Variants in SETX observed in about 807,000 individuals in gnomAD.
SETX encodes the protein helicase senataxin.
Under a neutral mutation model 227.2 loss-of-function variants are expected in SETX, and 90 were observed. The observed-to-expected ratio is 0.40, with a 90% CI of 0.33 to 0.47. The LOEUF (loss-of-function observed/expected upper bound fraction) is 0.47, where lower values mean the gene tolerates loss of function less well. Ranked by LOEUF, SETX falls within the 20% of genes least tolerant of loss-of-function variation. The probability of loss-of-function intolerance (pLI) is 0.91; values close to 1 mark genes in which losing one functional copy is unlikely to be tolerated. For synonymous variants in SETX, 1,210 were observed against 1,113.2 expected (o/e 1.09, Z -1.73); for missense variants, 3,052 against 3,181.5 (o/e 0.96, Z 0.98).
At chr9:132,356,291 C>T (rs1848910537), upstream of SETX, among the ~76,000 whole-genome samples, 1 of 152,122 alleles carries the variant, frequency 6.6e-6, no homozygotes, top group Admixed American at 6.5e-5. Flanking sequence ...CAACCTCCGC[C>T]TCCTGGGTTC....
At position 132,296,862 on chromosome 9, in the gene SETX, C is replaced by A. The variant is rs1204175680; in HGVS notation, c.5949+25G>T. 3.1e-6 allele frequency: 5 copies of A among 1,610,546 alleles called. No homozygotes were observed. The South Asian group carries it at 5.5e-5, about 18-fold the overall frequency. ...GTAAAATGATACAGCTAGTTAACAG[C>A]ATCAGTGCCCTCACCCATACCTACC... On this transcript the variant is annotated intron_variant, in intron 14 of 25. Transcript: ENST00000224140.
intron 18 of SETX, 110 bp downstream of exon 18, chr9:132,286,313 C>CT: frequency 1.3e-6 from 1 of 798,904 alleles, no homozygotes; most frequent in Non-Finnish European, 2.0e-6. Flanking sequence ...GAGTGAGACT[C>CT]TGTCTCCAAA....
upstream of SETX, among the ~76,000 whole-genome samples, chr9:132,356,498 G>C (rs1848919582): frequency 6.6e-6 from 1 of 152,110 alleles, no homozygotes; most frequent in Non-Finnish European, 1.5e-5. Context: ...CACCGCACCC[G>C]GCCCCTACCC....
rs1416072230 is a variant in SETX, at chr9:132,328,573, A to G, written c.3025T>C (p.Ser1009Pro). 1 of 1,613,862 alleles carries G rather than the reference A, an allele frequency of 6.2e-7. No homozygotes were observed. The highest frequency in any genetic ancestry group is 2.2e-5 in the East Asian group (1 of 44,880). Residue 1009 changes from serine to proline, a missense_variant, in exon 10 of 26, where the codon TCC (serine) becomes CCC (proline). Coordinates refer to ENST00000224140, the MANE Select transcript of SETX (RefSeq NM_015046.7). ...TANQNNVGDT[S>P]RGQVIIISDS... ...GAAATAATAATAACCTGTCCACGGG[A>G]GGTATCTCCAACATTATTTTGGTTA...
intron 5 of SETX, among the ~76,000 whole-genome samples, chr9:132,339,608 T>A (rs2131524231): frequency 6.6e-6 from 1 of 152,314 alleles, no homozygotes; most frequent in Non-Finnish European, 1.5e-5. Context: ...TCTCTTTCCA[T>A]ATAGTACAAC....
intron 15 of SETX, among the ~76,000 whole-genome samples, chr9:132,292,917 G>A (rs1196114358): frequency 2.6e-5 from 4 of 152,026 alleles, no homozygotes; most frequent in African/African-American, 4.8e-5. Flanking sequence ...AATTACAGGC[G>A]TCAGCCACCG....
intron 11 of SETX, among the ~76,000 whole-genome samples, chr9:132,305,892 C>T (rs1266417595): frequency 6.6e-6 from 1 of 152,098 alleles, no homozygotes; most frequent in Non-Finnish European, 1.5e-5. Flanking sequence ...TTAGTCTACA[C>T]CAACATAAAA....
At chr9:132,291,637 G>T (rs183089529) in intron 15 of SETX, among the ~76,000 whole-genome samples, 4 of 152,272 alleles carry the variant, frequency 2.6e-5, no homozygotes, top group African/African-American at 7.2e-5. Context: ...CAAAAACAGA[G>T]AGAGAGCTGA....
chr9:132,329,148 A>G lies in SETX; in HGVS notation c.2450T>C (p.Val817Ala). ...NTINLDENLT[V>A]SNIESFYSRK... The stretch of plus-strand genomic sequence containing the variant: ...TGAATAGAAACTCTCAATGTTAGAT[A>G]CAGTCAAATTTTCATCTAAATTGAT... The change falls in exon 10 of 26, where the codon GTA becomes GCA. Residue 817 changes from valine to alanine, a missense_variant. Val to Ala is a moderately conservative substitution (Grantham distance 64). Transcript: ENST00000224140. 2 of 1,611,582 alleles carry G rather than the reference A, an allele frequency of 1.2e-6. No homozygotes were observed. The highest frequency in any genetic ancestry group is 1.7e-6 in the Non-Finnish European group (2 of 1,179,684).
intron 5 of SETX, among the ~76,000 whole-genome samples, chr9:132,339,769 C>G (rs1424741974): frequency 6.6e-6 from 1 of 152,134 alleles, no homozygotes; most frequent in Non-Finnish European, 1.5e-5. Context: ...CACACCACCA[C>G]ACCTGCCTAA....
intron 22 of SETX, among the ~76,000 whole-genome samples, chr9:132,276,721 C>G (rs552644847): frequency 1.3e-5 from 2 of 152,184 alleles, no homozygotes; most frequent in Admixed American, 1.3e-4. Flanking sequence ...TGAATTTATA[C>G]TTAGCCTTCA....
rs560262613 is a variant in SETX at position 132,341,822 on chromosome 9, G to A, written c.498+868C>T. Among the ~76,000 whole-genome samples the A allele has an allele frequency of 6.4e-4, 97 of 152,082 alleles. No individual in the cohort carries two copies. The Middle Eastern group carries it at 0.01, about 16-fold the overall frequency. Reference sequence around the variant, plus strand: ...TGTTGTCCTGCACAAGCTGAATCCCGAGCTACCCACCGCCACCCAGGCCAG... The same window carrying A: ...TGTTGTCCTGCACAAGCTGAATCCCAAGCTACCCACCGCCACCCAGGCCAG... On this transcript the variant is annotated intron_variant, in intron 5 of 25. Coordinates refer to ENST00000224140, the MANE Select transcript of SETX (RefSeq NM_015046.7).
chr9:132,353,917 T>C (rs913419893), intron 1 of SETX, among the ~76,000 whole-genome samples, 162 bp from the exon 2 acceptor site: 15 of 152,192 alleles, frequency 9.9e-5, no homozygotes, highest in African/African-American at 3.6e-4. Context: ...ACAGCAGAAC[T>C]GCAATTCTGA....
At position 132,262,627 on chromosome 9, in the gene SETX, CAGG is replaced by C. The variant is rs1842455702; in HGVS notation, c.*1609_*1611del. 1.3e-5 allele frequency: 2 copies of C among 152,620 alleles called. No individual in the cohort carries two copies. Among genetic ancestry groups the C allele is most frequent in the Admixed American group, 1.3e-4 (2 of 15,280 alleles). 9.5% of individuals were successfully genotyped at this position (152,620 alleles called of 1,614,324 possible). ...AGGAAGTCACCTGCTCCCTGGGTTT[CAGG>C]AGTATTCAGTTGACCGTCTGGACAC... On this transcript the variant is annotated 3_prime_UTR_variant, in exon 26 of 26. Coordinates refer to ENST00000224140, the MANE Select transcript of SETX (RefSeq NM_015046.7).
chr9:132,296,890 T>C lies in SETX; in HGVS notation c.5946A>G (p.Thr1982=), dbSNP rs1589668910. The change falls in exon 14 of 26, where the codon ACA becomes ACG. Residue 1982 remains threonine, a synonymous_variant. Transcript: ENST00000224140. ...TIVGLLYRLL[T]ENQRKGHSDE... is the part of the protein sequence containing the mutation. Reference sequence around the variant, plus strand: ...CAGTGCCCTCACCCATACCTACCTCTGTCAGTAGACGATAGAGGAGGCCAA... The same window carrying C: ...CAGTGCCCTCACCCATACCTACCTCCGTCAGTAGACGATAGAGGAGGCCAA... 6.2e-7 allele frequency: 1 copy of C among 1,614,144 alleles called. No homozygotes were observed. The highest frequency in any genetic ancestry group is 8.5e-7 in the Non-Finnish European group (1 of 1,180,008).
intron 25 of SETX, among the ~76,000 whole-genome samples, chr9:132,268,402 G>A (rs2131132136): frequency 6.6e-6 from 1 of 152,346 alleles, no homozygotes; most frequent in East Asian, 1.9e-4. Flanking sequence ...TCAGGAGGCT[G>A]AGGTGGGAGA....
chr9:132,293,392 C>T (rs1247068563), intron 15 of SETX, among the ~76,000 whole-genome samples: 2 of 152,054 alleles, frequency 1.3e-5, no homozygotes, highest in Non-Finnish European at 2.9e-5. Flanking sequence ...AAAAAGGTCT[C>T]TGTACTCAGA....
chr9:132,310,703 T>C (rs1383306722), intron 11 of SETX, among the ~76,000 whole-genome samples: 1 of 152,214 alleles, frequency 6.6e-6, no homozygotes, highest in African/African-American at 2.4e-5. Context: ...AGCTGACAAT[T>C]GAACATGAGT....
intron 7 of SETX, among the ~76,000 whole-genome samples, chr9:132,331,740 A>C (rs1011634973): frequency 3.3e-5 from 5 of 152,168 alleles, no homozygotes. Context: ...AGGTAAGCAC[A>C]ATCTTTTCAC....
Sources: gnomAD v4.1 joint callset for allele counts (sites outside exome capture counted in the v4.1 genomes callset) on GRCh38, gnomAD v4.1.1 for gene constraint, MANE v1.5 for transcripts, NCBI Gene and HGNC (gene_info 2026-07-23, HGNC 2026-07-21) for gene names.